ROBO1: variants seen among roughly 807,000 people sequenced by gnomAD.
ROBO1 encodes roundabout homolog 1.
ROBO1 carries 149 observed loss-of-function variants against 195.9 expected under a neutral mutation model. The ratio of observed to expected loss-of-function variants is 0.76; its 90% CI spans 0.67 to 0.87. The LOEUF is 0.87. Among genes scored for constraint, ROBO1 ranks in the 40% least tolerant of loss-of-function variants. ROBO1 has a pLI of 0.00. For synonymous variants in ROBO1, 816 were observed against 733.2 expected (o/e 1.11, Z -1.82); for missense variants, 1,933 against 2,068.3 (o/e 0.93, Z 1.27).
chr3:78,683,677 G>T (rs1166759568), intron 10 of ROBO1, among the ~76,000 whole-genome samples: 2 of 152,026 alleles, frequency 1.3e-5, no homozygotes, highest in East Asian at 3.9e-4. Flanking sequence ...ATTCAGTGGA[G>T]AAAGGATAAT....
intron 2 of ROBO1, among the ~76,000 whole-genome samples, chr3:79,530,086 T>A (rs2107607643): frequency 6.6e-6 from 1 of 152,330 alleles, no homozygotes; most frequent in African/African-American, 2.4e-5. Flanking sequence ...CGTTATAATT[T>A]GCTTTAAAAT....
rs561974940 is a variant in ROBO1, at chr3:78,746,791, T to C, written c.609A>G (p.Ser203=). 3 of 1,581,110 alleles carry C rather than the reference T, an allele frequency of 1.9e-6. No individual in the cohort carries two copies. Among genetic ancestry groups the C allele is most frequent in the South Asian group, 2.3e-5 (2 of 87,160 alleles). The change falls in exon 5 of 31, where the codon TCA becomes TCG. Residue 203 remains serine (S), a synonymous_variant. Coordinates refer to ENST00000464233, the MANE Select transcript of ROBO1 (RefSeq NM_002941.4). ...PPRGHPEPTI[S]WKKDGSPLDD... The stretch of plus-strand genomic sequence containing the variant: ...CCAGTGGAGAGCCATCTTTCTTCCA[T>C]GAAATGGTGGGCTCAGGATGGCCTC...
chr3:78,630,420 C>G (rs1046424670), intron 25 of ROBO1, among the ~76,000 whole-genome samples: 5 of 152,134 alleles, frequency 3.3e-5, no homozygotes, highest in African/African-American at 1.2e-4. Context: ...GGCTTTGTTT[C>G]TGGGCATAGT....
chr3:79,169,956 G>A (rs979842093), intron 2 of ROBO1, among the ~76,000 whole-genome samples: 1 of 152,082 alleles, frequency 6.6e-6, no homozygotes, highest in Non-Finnish European at 1.5e-5. Context: ...GAGCTTTGAA[G>A]TACAAAAATG....
At position 79,445,849 on chromosome 3, in the gene ROBO1, T is replaced by G. The variant is rs576815320; in HGVS notation, c.88+143975A>C. ...GCTAATTTTTAGTACAGACGGTGTTTCACCGTGTTAGCCAGTATGGTCGCG... is the reference window on the plus strand; with the variant it reads ...GCTAATTTTTAGTACAGACGGTGTTGCACCGTGTTAGCCAGTATGGTCGCG... On this transcript the variant is annotated intron_variant, in intron 2 of 30. Coordinates refer to ENST00000464233, the MANE Select transcript of ROBO1 (RefSeq NM_002941.4). 3.3e-5 allele frequency among the ~76,000 whole-genome samples: 5 copies of G among 152,226 alleles called. No individual in the cohort carries two copies. The East Asian group carries it at 9.7e-4, about 29-fold the overall frequency.
chr3:79,586,024 C>G (rs961685904), intron 2 of ROBO1, among the ~76,000 whole-genome samples: 2 of 151,888 alleles, frequency 1.3e-5, no homozygotes, highest in Non-Finnish European at 2.9e-5. Flanking sequence ...TGCAACATTA[C>G]TTGTTAAATA....
intron 4 of ROBO1, among the ~76,000 whole-genome samples, chr3:78,928,702 A>T (rs2039344668): frequency 6.6e-6 from 1 of 152,208 alleles, no homozygotes; most frequent in Non-Finnish European, 1.5e-5. Flanking sequence ...ATTTTCCAAG[A>T]ATGCCTTTAA....
intron 2 of ROBO1, among the ~76,000 whole-genome samples, chr3:79,460,840 C>A (rs1360816301): frequency 6.6e-6 from 1 of 152,082 alleles, no homozygotes; most frequent in Non-Finnish European, 1.5e-5. Flanking sequence ...CTGCACCTCC[C>A]TGGTTCACGC....
At position 79,491,785 on chromosome 3, in the gene ROBO1, T is replaced by G. The variant is rs556686363; in HGVS notation, c.88+98039A>C. Among the ~76,000 whole-genome samples the G allele has an allele frequency of 4.5e-3, 671 of 149,960 alleles. 4 individuals are homozygous for G. The highest frequency in any genetic ancestry group is 0.015 in the African/African-American group (632 of 40,884). ...CTTAGAAAATGATTTAATCTGACTTTTTTTTTTTTTTTAATTTTGTGGGCA... is the reference window on the plus strand; with the variant it reads ...CTTAGAAAATGATTTAATCTGACTTGTTTTTTTTTTTTAATTTTGTGGGCA... On this transcript the variant is annotated intron_variant, in intron 2 of 30. Transcript: ENST00000464233.
chr3:78,839,920 A>G (rs2033061068), intron 4 of ROBO1, among the ~76,000 whole-genome samples: 1 of 152,208 alleles, frequency 6.6e-6, no homozygotes, highest in Non-Finnish European at 1.5e-5. Flanking sequence ...GTTTACTTTT[A>G]TTAAGATAAC....
chr3:78,962,157 C>A (rs1482678676), intron 3 of ROBO1, among the ~76,000 whole-genome samples: 2 of 152,286 alleles, frequency 1.3e-5, no homozygotes, highest in Non-Finnish European at 1.5e-5. Context: ...CCTGTTCTAA[C>A]TCCCATGAAC....
chr3:79,751,038 CTA>C (rs2107474954), intron 1 of ROBO1, among the ~76,000 whole-genome samples: 1 of 152,302 alleles, frequency 6.6e-6, no homozygotes, highest in East Asian at 1.9e-4. Context: ...TAGTCTAACT[CTA>C]TGGCACAGTA....
intron 2 of ROBO1, among the ~76,000 whole-genome samples, chr3:79,495,685 C>A: frequency 6.6e-6 from 1 of 152,060 alleles, no homozygotes; most frequent in East Asian, 1.9e-4. Flanking sequence ...ATGATACTTT[C>A]CAAAACTTCT....
chr3:78,640,965 T>A (rs750107195), intron 21 of ROBO1, among the ~76,000 whole-genome samples: 3 of 152,214 alleles, frequency 2.0e-5, no homozygotes, highest in Admixed American at 6.6e-5. Context: ...AAATTTAGTA[T>A]GCAAATGATG....
chr3:79,332,939 C>T (rs916624248), intron 2 of ROBO1, among the ~76,000 whole-genome samples: 2 of 152,074 alleles, frequency 1.3e-5, no homozygotes, highest in Non-Finnish European at 2.9e-5. Context: ...TGGTGGCTTA[C>T]GCCTGTAATC....
chr3:78,647,186 C>T (rs1706353131), intron 20 of ROBO1, among the ~76,000 whole-genome samples: 2 of 152,010 alleles, frequency 1.3e-5, no homozygotes, highest in Admixed American at 1.3e-4. Context: ...AAAGTTCTAT[C>T]TTTCACATGT....
chr3:78,618,987 A>T (rs577072850), intron 26 of ROBO1, among the ~76,000 whole-genome samples: 1 of 152,190 alleles, frequency 6.6e-6, no homozygotes, highest in Non-Finnish European at 1.5e-5. Context: ...GATTCGTGGA[A>T]GGAAGTCATC....
intron 4 of ROBO1, among the ~76,000 whole-genome samples, chr3:78,855,081 C>A (rs188461584): frequency 6.6e-6 from 1 of 151,826 alleles, no homozygotes; most frequent in African/African-American, 2.4e-5. Flanking sequence ...TATATAAGCA[C>A]ATGATTTATC....
chr3:78,861,254 G>A (rs936563490), intron 4 of ROBO1, among the ~76,000 whole-genome samples: 13 of 152,074 alleles, frequency 8.5e-5, no homozygotes, highest in African/African-American at 2.2e-4. Context: ...GCTAGAAAGC[G>A]TCATATCTTG....
Sources: gnomAD v4.1 joint callset for allele counts (sites outside exome capture counted in the v4.1 genomes callset) on GRCh38, gnomAD v4.1.1 for gene constraint, MANE v1.5 for transcripts, NCBI Gene and HGNC (gene_info 2026-07-23, HGNC 2026-07-21) for gene names.